The following SLC37A1 variants were observed in gnomAD, a reference collection of about 807,000 sequenced individuals.
The protein encoded by SLC37A1 is solute carrier family 37 member 1, also known as glucose-6-phosphate exchanger SLC37A1.
Under a neutral mutation model 75.3 loss-of-function variants are expected in SLC37A1, and 49 were observed. The ratio of observed to expected loss-of-function variants is 0.65; its 90% CI spans 0.52 to 0.83. The LOEUF (loss-of-function observed/expected upper bound fraction) is 0.83, where lower values mean the gene tolerates loss of function less well. Among genes scored for constraint, SLC37A1 ranks in the 40% least tolerant of loss-of-function variants. SLC37A1 has a pLI of 0.00. For synonymous variants in SLC37A1, 268 were observed against 292.1 expected, an observed-to-expected ratio of 0.92 and a Z score of 0.84; for missense variants, 566 against 695.0, an observed-to-expected ratio of 0.81 and a Z score of 2.09.
chr21:42,505,583 T>G (rs931521250), intron 2 of SLC37A1, among the ~76,000 whole-genome samples: 7 of 152,110 alleles, frequency 4.6e-5, no homozygotes, highest in African/African-American at 1.4e-4. Flanking sequence ...GCATGACCCC[T>G]CAGAGTCAAC....
intron 2 of SLC37A1, chr21:42,502,935 A>G (rs377374478): frequency 1.3e-5 from 2 of 152,342 alleles, no homozygotes; most frequent in East Asian, 3.9e-4. Context: ...TAATGAAGAA[A>G]ATAAAGAAAA....
At chr21:42,513,822 G>C (rs2054467932), upstream of SLC37A1, 1 of 146,338 alleles carries the variant, frequency 6.8e-6, no homozygotes, top group African/African-American at 2.5e-5. Context: ...AAAGTGAAAG[G>C]GCGGCGGGGC....
At position 42,580,874 on chromosome 21, in the gene SLC37A1, G is replaced by C. The variant is rs1037545507; in HGVS notation, c.*514G>C. The C allele has an allele frequency of 6.0e-6, 1 of 167,028 alleles. No individual in the cohort carries two copies. The highest frequency in any genetic ancestry group is 2.4e-5 in the African/African-American group (1 of 41,584). 10.3% of individuals were successfully genotyped at this position (167,028 alleles called of 1,614,324 possible). ...GCCAGCGCCACACAACATCAAGAAG[G>C]CCGACAACCAGGTTGGAAACCAAGA... On this transcript the variant is annotated 3_prime_UTR_variant, in exon 20 of 20. Coordinates refer to ENST00000352133, the MANE Select transcript of SLC37A1 (RefSeq NM_001320537.2).
Position 42,530,595 on chromosome 21 carries a change from TACACACACAC to T in SLC37A1, c.139-4052_139-4043del, listed in dbSNP as rs71190427. 4.9e-3 allele frequency among the ~76,000 whole-genome samples: 508 copies of T among 103,196 alleles called. 9 individuals are homozygous for T. The highest frequency in any genetic ancestry group is 9.3e-3 in the East Asian group (32 of 3,436). 67.7% of individuals were successfully genotyped at this position (103,196 alleles called of 152,430 possible). A position where few individuals can be genotyped will look rare whatever the true frequency, so the allele number is the denominator to read the frequency against. The stretch of plus-strand genomic sequence containing the variant: ...TAGACAGATCGTCAAATGCAGATGA[TACACACACAC>T]ACACACACACACACACACACACACA... On this transcript the variant is annotated intron_variant, in intron 3 of 19. Transcript: ENST00000352133.
upstream of SLC37A1, among the ~76,000 whole-genome samples, chr21:42,511,892 A>T (rs550401822): frequency 6.6e-6 from 1 of 152,250 alleles, no homozygotes; most frequent in East Asian, 1.9e-4. Context: ...GCATATAATA[A>T]TGGTGGTTAC....
chr21:42,512,232 G>A (rs1375916614), upstream of SLC37A1, among the ~76,000 whole-genome samples: 1 of 106,284 alleles, frequency 9.4e-6, no homozygotes, highest in Non-Finnish European at 1.8e-5. Context: ...GTGGGGGGGA[G>A]GGGGGGTGGG....
rs1311774972 is a variant in SLC37A1 at position 42,547,145 on chromosome 21, G to A, written c.768+5G>A. The A allele has an allele frequency of 6.2e-7, 1 of 1,614,158 alleles. No homozygotes were observed. Among genetic ancestry groups the A allele is most frequent in the Admixed American group, 1.7e-5 (1 of 60,020 alleles). On this transcript the variant is annotated splice_donor_5th_base_variant and intron_variant, in intron 9 of 19. Coordinates refer to ENST00000352133, the MANE Select transcript of SLC37A1 (RefSeq NM_001320537.2). The surrounding 1 kb of genome is among the most constrained non-coding windows in gnomAD (Gnocchi z 6.1). ...TGCTCCTCCACCCTGGTGACGGTAA[G>A]GACCCTGTTTTCTTGTCCTTTTCTA...
At chr21:42,523,598 T>G (rs1212182857) in intron 2 of SLC37A1, among the ~76,000 whole-genome samples, 2 of 152,264 alleles carry the variant, frequency 1.3e-5, no homozygotes, top group African/African-American at 4.8e-5. Context: ...GCAAATCCAC[T>G]GTACCCACAT....
At chr21:42,540,104 T>G (rs2055237577) in intron 6 of SLC37A1, among the ~76,000 whole-genome samples, 1 of 152,182 alleles carries the variant, frequency 6.6e-6, no homozygotes, top group Non-Finnish European at 1.5e-5. Context: ...TGGTTGGGAT[T>G]CCAACGAACA....
At chr21:42,571,166 G>A (rs937462139) in intron 17 of SLC37A1, among the ~76,000 whole-genome samples, 3 of 152,188 alleles carry the variant, frequency 2.0e-5, no homozygotes, top group Admixed American at 6.5e-5. Flanking sequence ...CAAAGTACAG[G>A]CTCCAGTGGG....
intron 1 of SLC37A1, among the ~76,000 whole-genome samples, chr21:42,516,925 T>G (rs1272146827): frequency 6.6e-6 from 1 of 152,232 alleles, no homozygotes; most frequent in African/African-American, 2.4e-5. Flanking sequence ...AGACCCATTC[T>G]GGAGCCCACC....
At chr21:42,546,613 C>T (rs1330718345) in intron 8 of SLC37A1, among the ~76,000 whole-genome samples, 2 of 152,164 alleles carry the variant, frequency 1.3e-5, no homozygotes, top group Non-Finnish European at 2.9e-5. Context: ...CACTGGCTGG[C>T]GGTGATCTGC....
chr21:42,568,567 C>A, intron 17 of SLC37A1, 129 bp downstream of exon 17: 1 of 874,304 alleles, frequency 1.1e-6, no homozygotes, highest in Non-Finnish European at 1.9e-6. Flanking sequence ...TCTTACTATA[C>A]GAGCAGATGA....
intron 2 of SLC37A1, among the ~76,000 whole-genome samples, chr21:42,524,538 G>A (rs1370851372): frequency 6.6e-6 from 1 of 152,182 alleles, no homozygotes; most frequent in Non-Finnish European, 1.5e-5. Context: ...TGTCTGCCTT[G>A]CTTGTGTGCT....
At chr21:42,526,292 C>T (rs750939149) in intron 3 of SLC37A1, among the ~76,000 whole-genome samples, 1 of 152,170 alleles carries the variant, frequency 6.6e-6, no homozygotes. Context: ...AGTTGTTAAG[C>T]AGGTGTTCTA....
intron 12 of SLC37A1, among the ~76,000 whole-genome samples, 171 bp from the exon 13 acceptor site, chr21:42,563,644 C>T (rs1459531063): frequency 1.3e-5 from 2 of 152,170 alleles, no homozygotes; most frequent in African/African-American, 4.8e-5. Context: ...GTGTTTTCAT[C>T]CTTTCTGTGT....
chr21:42,510,602 AT>A (rs937107428), upstream of SLC37A1, among the ~76,000 whole-genome samples: 1 of 152,136 alleles, frequency 6.6e-6, no homozygotes, highest in East Asian at 1.9e-4. Context: ...AAAAAAAAAA[AT>A]CTAGGTGCTG....
At position 42,547,360 on chromosome 21, in the gene SLC37A1, C is replaced by T. The variant is rs114268494; in HGVS notation, c.768+220C>T. The T allele has an allele frequency of 2.2e-3, 1,153 of 527,444 alleles. 8 individuals are homozygous for T. Among genetic ancestry groups the T allele is most frequent in the African/African-American group, 0.02 (1,065 of 52,144 alleles). The allele number at this position is 527,444 out of a possible 1,614,324, so 32.7% of individuals were successfully genotyped here. A position where few individuals can be genotyped will look rare whatever the true frequency, so the allele number is the denominator to read the frequency against. ...CCCAGACAAGAGGTTCAATGCTGTC[C>T]AGATGAAGGACTTCATGCTAAGGGG... On this transcript the variant is annotated intron_variant, in intron 9 of 19. Coordinates refer to ENST00000352133, the MANE Select transcript of SLC37A1 (RefSeq NM_001320537.2). The surrounding 1 kb of genome is among the most constrained non-coding windows in gnomAD (Gnocchi z 6.1).
At chr21:42,529,443 A>G (rs1303145453) in intron 3 of SLC37A1, among the ~76,000 whole-genome samples, 3 of 152,098 alleles carry the variant, frequency 2.0e-5, no homozygotes, top group Admixed American at 6.5e-5. Flanking sequence ...AATCCCAGCT[A>G]CTTGGGAGAC....
Sources: gnomAD v4.1 joint callset for allele counts (sites outside exome capture counted in the v4.1 genomes callset) on GRCh38, gnomAD v4.1.1 for gene constraint, Gnocchi (gnomAD v3.1) non-coding constraint, MANE v1.5 for transcripts, NCBI Gene and HGNC (gene_info 2026-07-23, HGNC 2026-07-21) for gene names.